LRP5: variants seen among roughly 807,000 people sequenced by gnomAD.
The protein encoded by LRP5 is low-density lipoprotein receptor-related protein 5.
In LRP5, 62 loss-of-function variants were observed where a neutral mutation model predicts 154.1. The ratio of observed to expected loss-of-function variants is 0.40; its 90% CI spans 0.33 to 0.50. The LOEUF is 0.50. LRP5 is among the 20% of genes least tolerant of loss of function. The pLI is 0.55. For missense variants in LRP5, 1,915 were observed against 2,336.7 expected (o/e 0.82, Z 3.72); for synonymous variants, 966 against 1,011.5 (o/e 0.96, Z 0.85).
intron 17 of LRP5, among the ~76,000 whole-genome samples, chr11:68,432,980 G>A (rs1450044659): frequency 2.6e-5 from 4 of 152,208 alleles, no homozygotes; most frequent in Admixed American, 2.6e-4. Context: ...CTCCCCGGGG[G>A]TGTCCTCAGC....
At chr11:68,375,164 G>A (rs2098636664) in intron 5 of LRP5, among the ~76,000 whole-genome samples, 1 of 152,200 alleles carries the variant, frequency 6.6e-6, no homozygotes, top group Non-Finnish European at 1.5e-5. Context: ...TGCCCTTTCC[G>A]CATTTGGTGA....
chr11:68,413,876 C>G lies in LRP5; in HGVS notation c.2691C>G (p.Ser897=), dbSNP rs1256932871. The G allele has an allele frequency of 6.2e-7, 1 of 1,613,236 alleles. No individual in the cohort carries two copies. The highest frequency in any genetic ancestry group is 1.3e-5 in the African/African-American group (1 of 74,952). Residue 897 remains serine, a synonymous_variant, in exon 12 of 23, where the codon TCC becomes TCG. Transcript: ENST00000294304. The surrounding 1 kb of genome is among the most constrained non-coding windows in gnomAD (Gnocchi z 5.1). ...DFVMDILVFH[S]SRQDGLNDCM... ...TGATGGACATCCTGGTGTTCCACTCCTCCCGCCAGGATGGCCTCAATGACT... is the reference window on the plus strand; with the variant it reads ...TGATGGACATCCTGGTGTTCCACTCGTCCCGCCAGGATGGCCTCAATGACT...
intron 1 of LRP5, among the ~76,000 whole-genome samples, chr11:68,334,928 T>C (rs753688135): frequency 1.3e-5 from 2 of 152,156 alleles, no homozygotes; most frequent in Admixed American, 6.5e-5. Flanking sequence ...TTGGTTCTTG[T>C]TATTCTTGAA....
intron 5 of LRP5, among the ~76,000 whole-genome samples, chr11:68,384,207 G>A (rs1257298950): frequency 1.3e-5 from 2 of 152,186 alleles, no homozygotes; most frequent in Non-Finnish European, 2.9e-5. Flanking sequence ...GTTGGATGCC[G>A]GGATCCTGGA....
chr11:68,437,063 T>G, intron 19 of LRP5, 64 bp downstream of exon 19: 1 of 1,386,134 alleles, frequency 7.2e-7, no homozygotes, highest in Non-Finnish European at 1.0e-6. Context: ...ACGTGGAGTT[T>G]AGGGGAGGAG....
In LRP5 at chr11:68,353,663, C is replaced by T. The variant is rs925656610; in HGVS notation, c.489-3987C>T. ...GAGCATCTTGGCCTTCCTCCCGGCC[C>T]TGCTAGAGCCCCCGTCATCTCCTGT... On this transcript the variant is annotated intron_variant, in intron 2 of 22. Coordinates refer to ENST00000294304, the MANE Select transcript of LRP5 (RefSeq NM_002335.4). This position sits in a 1 kb window ranked among gnomAD's most constrained non-coding sequence, Gnocchi z 4.5. Among the ~76,000 whole-genome samples the T allele has an allele frequency of 1.3e-5, 2 of 152,210 alleles. No individual in the cohort carries two copies. Among genetic ancestry groups the T allele is most frequent in the African/African-American group, 4.8e-5 (2 of 41,462 alleles).
chr11:68,356,636 C>T lies in LRP5; in HGVS notation c.489-1014C>T, dbSNP rs2098623393. On this transcript the variant is annotated intron_variant, in intron 2 of 22. Transcript: ENST00000294304. ...GGCTGACGCACCATCACCCAAAATC[C>T]ACGTTTACACGAGGGTTCGCCCTTG... Among the ~76,000 whole-genome samples the T allele has an allele frequency of 2.0e-5, 3 of 152,170 alleles. No homozygotes were observed. The South Asian group carries it at 6.2e-4, about 32-fold the overall frequency.
At chr11:68,439,143 G>T (rs2098676707) in intron 20 of LRP5, among the ~76,000 whole-genome samples, 1 of 152,228 alleles carries the variant, frequency 6.6e-6, no homozygotes, top group Non-Finnish European at 1.5e-5. Context: ...TGTGTTTGTA[G>T]ATGGCTGGGC....
At chr11:68,390,766 G>A (rs557576032) in intron 7 of LRP5, among the ~76,000 whole-genome samples, 1 of 15,056 alleles carries the variant, frequency 6.6e-5, no homozygotes, top group African/African-American at 2.4e-4. Flanking sequence ...CGCTGTGGTC[G>A]GGTTTCAGTG....
In LRP5 at chr11:68,429,675, C is replaced by T. The variant is rs745339698; in HGVS notation, c.3738C>T (p.Leu1246=). 6.2e-7 allele frequency: 1 copy of T among 1,614,166 alleles called. No individual in the cohort carries two copies. ...GCTCATGCCCAGTCCACCTCGTGCT[C>T]CTGCAGAACCTGCTGACCTGTGGAG... ...PRCSCPVHLV[L]LQNLLTCGEP... The change falls in exon 17 of 23, where the codon CTC becomes CTT. Residue 1246 remains leucine (L), a synonymous_variant. Coordinates refer to ENST00000294304, the MANE Select transcript of LRP5 (RefSeq NM_002335.4).
chr11:68,427,495 C>T (rs758330145), intron 16 of LRP5, among the ~76,000 whole-genome samples: 2 of 152,202 alleles, frequency 1.3e-5, no homozygotes, highest in African/African-American at 4.8e-5. Context: ...GCCTGCCCAA[C>T]ATAGTGAAAT....
chr11:68,369,264 G>C (rs1435876747), intron 5 of LRP5, among the ~76,000 whole-genome samples: 3 of 152,202 alleles, frequency 2.0e-5, no homozygotes, highest in South Asian at 2.1e-4. Context: ...GGGCAGGTGA[G>C]AGCTGGCTTG....
rs2098662572 is a variant in LRP5 at position 68,416,418 on chromosome 11, T to C, written c.2918T>C (p.Leu973Pro). Residue 973 changes from leucine (L) to proline (P), a missense_variant, in exon 13 of 23, where the codon CTG becomes CCG. Physicochemically the swap from Leu to Pro is moderately conservative, Grantham distance 98. This residue lies in a region of LRP5 where 1,094 missense variants were observed against 1,210.1 expected (regional missense o/e 0.90). Transcript: ENST00000294304. ...CACAGCCCGGATCTCATCCTGCCCC[T>C]GCATGGACTGAGGAACGTCAAAGCC... The part of the protein sequence containing the change: ...DQHSPDLILP[L>P]HGLRNVKAID... 6.2e-7 allele frequency: 1 copy of C among 1,614,180 alleles called. No homozygotes were observed.
intron 8 of LRP5, among the ~76,000 whole-genome samples, chr11:68,406,128 C>G (rs1565082742): frequency 6.6e-6 from 1 of 152,218 alleles, no homozygotes; most frequent in Non-Finnish European, 1.5e-5. Flanking sequence ...GGACAGGTGA[C>G]TCCCTGGGAC....
chr11:68,387,805 C>T (rs924605187), intron 6 of LRP5, among the ~76,000 whole-genome samples: 1 of 152,174 alleles, frequency 6.6e-6, no homozygotes, highest in Non-Finnish European at 1.5e-5. Flanking sequence ...CGGTGCTGCC[C>T]TCTGTGGAGC....
intron 5 of LRP5, among the ~76,000 whole-genome samples, chr11:68,385,582 G>A (rs1464320230): frequency 6.6e-6 from 1 of 152,094 alleles, no homozygotes; most frequent in African/African-American, 2.4e-5. Context: ...TTCTCATCTC[G>A]CACCTGTGTT....
In LRP5 at chr11:68,403,683, T is replaced by G. The variant is rs781756147; in HGVS notation, c.1785T>G (p.Asn595Lys). Residue 595 changes from asparagine to lysine, a missense_variant, in exon 8 of 23, where the codon AAT becomes AAG. Physicochemically the swap from Asn to Lys is moderately conservative, Grantham distance 94 (BLOSUM62 0). Coordinates refer to ENST00000294304, the MANE Select transcript of LRP5 (RefSeq NM_002335.4). Reference sequence around the variant, plus strand: ...ACCTGATGGGGCTCAAAGCTGTGAATGTGGCCAAGGTCGTCGGTGAGTCCG... The same window carrying G: ...ACCTGATGGGGCTCAAAGCTGTGAAGGTGGCCAAGGTCGTCGGTGAGTCCG... ...LPDLMGLKAV[N>K]VAKVVGTNPC... 6.2e-7 allele frequency: 1 copy of G among 1,613,844 alleles called. No individual in the cohort carries two copies.
At chr11:68,425,320 G>T (rs200126456) in intron 15 of LRP5, 28 bp downstream of exon 15, 38 of 1,587,938 alleles carry the variant, frequency 2.4e-5, no homozygotes, top group Non-Finnish European at 3.0e-5. Flanking sequence ...TGCCCTAACC[G>T]CAGACACCCG....
Position 68,413,740 on chromosome 11 carries a change from C to T in LRP5, c.2555C>T (p.Thr852Met), listed in dbSNP as rs1398692057. Residue 852 changes from threonine (T) to methionine (M), a missense_variant, in exon 12 of 23, where the codon ACG becomes ATG. Thr to Met is a moderately conservative substitution (Grantham distance 81). Around this residue, in one of 3 missense-constraint regions of LRP5, gnomAD observed 1,094 missense variants for 1,210.1 expected, o/e 0.90. Transcript: ENST00000294304. The surrounding 1 kb of genome is among the most constrained non-coding windows in gnomAD (Gnocchi z 5.1). ...ADDLPHPFGL[T>M]QYSDYIYWTD... ...GATCTCCCGCACCCGTTCGGTCTGA[C>T]GCAGTACAGCGATTATATCTACTGG... 3.7e-6 allele frequency: 6 copies of T among 1,613,570 alleles called. No individual in the cohort carries two copies. The highest frequency in any genetic ancestry group is 2.2e-5 in the East Asian group (1 of 44,882).
Sources: allele counts gnomAD v4.1 joint callset (sites outside exome capture counted in the v4.1 genomes callset), GRCh38; gene constraint gnomAD v4.1.1; regional missense constraint gnomAD v4.1.1; non-coding constraint Gnocchi (gnomAD v3.1); transcripts MANE v1.5; gene names NCBI Gene and HGNC (gene_info 2026-07-23, HGNC 2026-07-21).